Variants in RBFOX1 observed in about 807,000 individuals in gnomAD.
RBFOX1 encodes RNA binding protein fox-1 homolog 1.
In RBFOX1, 8 loss-of-function variants were observed where a neutral mutation model predicts 57.7. The observed-to-expected ratio is 0.14, with a 90% CI of 0.08 to 0.25. RBFOX1 has a LOEUF of 0.25. Among genes scored for constraint, RBFOX1 ranks in the 10% least tolerant of loss-of-function variants. The pLI, the probability that RBFOX1 is intolerant of heterozygous loss-of-function variation, is 1.00. For synonymous variants in RBFOX1, 326 were observed against 222.4 expected (o/e 1.47, Z -4.15); for missense variants, 611 against 548.5 (o/e 1.11, Z -1.14).
intron 3 of RBFOX1, among the ~76,000 whole-genome samples, chr16:5,781,848 T>G (rs2054333444): frequency 1.3e-5 from 2 of 152,200 alleles, no homozygotes; most frequent in South Asian, 4.1e-4. Context: ...GGATTCCTCA[T>G]GAAGAGATTG....
chr16:7,191,359 A>G (rs993937246), intron 4 of RBFOX1, among the ~76,000 whole-genome samples: 4 of 151,214 alleles, frequency 2.6e-5, no homozygotes, highest in South Asian at 2.1e-4. Flanking sequence ...AAAACAGCAC[A>G]TTGCTACAAT....
intron 3 of RBFOX1, among the ~76,000 whole-genome samples, chr16:6,775,578 A>C (rs1459473349): frequency 6.6e-6 from 1 of 152,212 alleles, no homozygotes; most frequent in Admixed American, 6.5e-5. Context: ...AAAGGAAAAA[A>C]GATGGAGGGT....
intron 1 of RBFOX1, among the ~76,000 whole-genome samples, chr16:5,395,097 A>G (rs533032569): frequency 8.5e-5 from 13 of 152,152 alleles, no homozygotes; most frequent in African/African-American, 3.1e-4. Context: ...TTTGCCAAGC[A>G]TGGTTCGTTT....
At chr16:6,463,083 A>G (rs1032507919) in intron 2 of RBFOX1, among the ~76,000 whole-genome samples, 1 of 150,940 alleles carries the variant, frequency 6.6e-6, no homozygotes, top group South Asian at 2.1e-4. Context: ...TAACTTAAGG[A>G]GCTATCCTTC....
intron 1 of RBFOX1, among the ~76,000 whole-genome samples, chr16:6,090,913 TA>T (rs1025730237): frequency 1.3e-5 from 2 of 152,072 alleles, no homozygotes; most frequent in African/African-American, 4.8e-5. Context: ...AAGCAAAACT[TA>T]AAAAAAGTAT....
At chr16:7,155,716 T>A (rs199925701) in intron 4 of RBFOX1, among the ~76,000 whole-genome samples, 39,922 of 74,542 alleles carry the variant, frequency 0.54, 11,570 homozygotes, top group African/African-American at 0.7. Flanking sequence ...AAAAAAAATA[T>A]ATATATATAT....
chr16:5,355,679 G>T (rs1160268340), intron 1 of RBFOX1, among the ~76,000 whole-genome samples: 1 of 152,168 alleles, frequency 6.6e-6, no homozygotes, highest in Non-Finnish European at 1.5e-5. Context: ...CCTAACCCCT[G>T]GTAACTGTGA....
intron 2 of RBFOX1, among the ~76,000 whole-genome samples, chr16:6,606,066 G>A (rs1447654981): frequency 6.6e-6 from 1 of 151,964 alleles, no homozygotes; most frequent in Admixed American, 6.6e-5. Flanking sequence ...CCGAGATCAC[G>A]CCCCTGCACT....
At chr16:6,555,112 C>G (rs115228155) in intron 2 of RBFOX1, among the ~76,000 whole-genome samples, 72 of 152,254 alleles carry the variant, frequency 4.7e-4, no homozygotes, top group African/African-American at 1.6e-3. Flanking sequence ...GGGGGTGCCT[C>G]CATTCTTATG....
chr16:7,637,616 G>A (rs568531430), intron 11 of RBFOX1, among the ~76,000 whole-genome samples: 1 of 152,236 alleles, frequency 6.6e-6, no homozygotes, highest in South Asian at 2.1e-4. Flanking sequence ...AAATGTCAGT[G>A]GGCTGGACTC....
At chr16:6,548,692 C>T (rs1004233968) in intron 2 of RBFOX1, among the ~76,000 whole-genome samples, 4 of 152,166 alleles carry the variant, frequency 2.6e-5, no homozygotes, top group South Asian at 4.1e-4. Context: ...GAAGATTTCA[C>T]GATGTCGCAA....
chr16:7,048,165 C>G (rs572843331), intron 3 of RBFOX1, among the ~76,000 whole-genome samples: 3 of 152,058 alleles, frequency 2.0e-5, no homozygotes, highest in South Asian at 4.1e-4. Flanking sequence ...AGGTGTGAGC[C>G]ACCGTGCCCA....
intron 14 of RBFOX1, among the ~76,000 whole-genome samples, chr16:7,687,001 C>T (rs1308509067): frequency 6.6e-6 from 1 of 152,034 alleles, no homozygotes; most frequent in Non-Finnish European, 1.5e-5. Flanking sequence ...AGCTTCTTTA[C>T]GAATATCATG....
intron 4 of RBFOX1, among the ~76,000 whole-genome samples, chr16:7,430,273 G>C (rs1320381464): frequency 6.6e-6 from 1 of 152,074 alleles, no homozygotes; most frequent in Non-Finnish European, 1.5e-5. Context: ...TTATTGTTTT[G>C]TTGTGGTGGT....
At chr16:7,504,221 G>A (rs975527539) in intron 4 of RBFOX1, among the ~76,000 whole-genome samples, 12 of 152,070 alleles carry the variant, frequency 7.9e-5, no homozygotes, top group Admixed American at 2.0e-4. Flanking sequence ...GTCGGTGCCC[G>A]TATCATCGGG....
intron 3 of RBFOX1, among the ~76,000 whole-genome samples, chr16:5,852,280 C>G (rs930010099): frequency 2.0e-5 from 3 of 152,110 alleles, no homozygotes; most frequent in Non-Finnish European, 4.4e-5. Flanking sequence ...GTCGAGTTCT[C>G]CAGAGCTGAG....
chr16:6,870,949 C>T (rs1431394553), intron 3 of RBFOX1, among the ~76,000 whole-genome samples: 1 of 152,140 alleles, frequency 6.6e-6, no homozygotes, highest in African/African-American at 2.4e-5. Context: ...CGTAAGTGTC[C>T]ATATTCCTGT....
intron 3 of RBFOX1, among the ~76,000 whole-genome samples, chr16:5,674,698 G>A (rs77628966): frequency 0.02 from 3,063 of 152,272 alleles, 93 homozygotes; most frequent in African/African-American, 0.069. Context: ...ATGCATGGAC[G>A]TTGGAGAAAG....
At chr16:6,333,585 G>T (rs1314788350) in intron 2 of RBFOX1, among the ~76,000 whole-genome samples, 2 of 151,934 alleles carry the variant, frequency 1.3e-5, no homozygotes, top group African/African-American at 4.8e-5. Context: ...TTTACGAAAT[G>T]GTCCAGTCAT....
Sources: gnomAD v4.1 joint callset for allele counts (sites outside exome capture counted in the v4.1 genomes callset) on GRCh38, gnomAD v4.1.1 for gene constraint, MANE v1.5 for transcripts, NCBI Gene and HGNC (gene_info 2026-07-23, HGNC 2026-07-21) for gene names.